CDH13: variants seen among roughly 807,000 people sequenced by gnomAD.
CDH13 encodes cadherin 13.
A neutral mutation model predicts 63.8 loss-of-function variants in CDH13; 24 were observed. That is an observed-to-expected ratio of 0.38 (90% CI 0.27 to 0.53). The LOEUF is 0.53. Ranked by LOEUF, CDH13 falls within the 20% of genes least tolerant of loss-of-function variation. The pLI is 0.85. For missense variants in CDH13, 1,049 were observed against 903.1 expected (o/e 1.16, Z -2.07); for synonymous variants, 503 against 355.3 (o/e 1.42, Z -4.67).
chr16:82,766,314 C>T (rs1010037256), intron 1 of CDH13, among the ~76,000 whole-genome samples: 5 of 152,176 alleles, frequency 3.3e-5, no homozygotes, highest in African/African-American at 4.8e-5. Flanking sequence ...ATATATTTAA[C>T]ACCAGGTCCA....
intron 9 of CDH13, among the ~76,000 whole-genome samples, chr16:83,676,966 G>A (rs1327486834): frequency 2.0e-5 from 3 of 152,168 alleles, no homozygotes; most frequent in African/African-American, 4.8e-5. Flanking sequence ...AACTGTTGTT[G>A]CTTACTTTTA....
chr16:82,778,570 G>GAAAAAAAAA (rs11350020), intron 1 of CDH13, among the ~76,000 whole-genome samples: 3 of 85,778 alleles, frequency 3.5e-5, no homozygotes, highest in African/African-American at 9.4e-5. Flanking sequence ...ATCACGACCA[G>GAAAAAAAAA]AAAAAAAAAA....
At chr16:83,423,327 C>T (rs923046553) in intron 6 of CDH13, among the ~76,000 whole-genome samples, 3 of 152,138 alleles carry the variant, frequency 2.0e-5, no homozygotes, top group African/African-American at 7.2e-5. Flanking sequence ...TTGTTCACTT[C>T]TTCAGAAAAT....
At chr16:82,750,605 G>C (rs2034373915) in intron 1 of CDH13, among the ~76,000 whole-genome samples, 1 of 152,164 alleles carries the variant, frequency 6.6e-6, no homozygotes, top group African/African-American at 2.4e-5. Context: ...TTCTCTTAAA[G>C]TCTCAGGTGG....
intron 1 of CDH13, among the ~76,000 whole-genome samples, chr16:82,794,397 A>T (rs1459296283): frequency 8.4e-6 from 1 of 119,608 alleles, no homozygotes; most frequent in Non-Finnish European, 2.0e-5. Context: ...TCAGAAAGGA[A>T]TTTTTTTTTC....
chr16:83,408,287 A>G (rs1185687298), intron 6 of CDH13, among the ~76,000 whole-genome samples: 1 of 152,204 alleles, frequency 6.6e-6, no homozygotes, highest in African/African-American at 2.4e-5. Context: ...ATATTCACAC[A>G]AACCATATAC....
At chr16:83,516,142 A>G (rs2074694225) in intron 7 of CDH13, among the ~76,000 whole-genome samples, 1 of 152,222 alleles carries the variant, frequency 6.6e-6, no homozygotes, top group Admixed American at 6.5e-5. Context: ...ATGTCCTCAG[A>G]TAGCTCATGG....
At chr16:83,280,634 G>T (rs2161723) in intron 5 of CDH13, among the ~76,000 whole-genome samples, 2 of 152,088 alleles carry the variant, frequency 1.3e-5, no homozygotes, top group African/African-American at 2.4e-5. Flanking sequence ...AAGGTTTTCA[G>T]TTTACTTTGC....
intron 2 of CDH13, among the ~76,000 whole-genome samples, chr16:82,950,479 G>A (rs999050037): frequency 6.6e-6 from 1 of 152,090 alleles, no homozygotes; most frequent in African/African-American, 2.4e-5. Context: ...CTGTTCTTGT[G>A]GTAGTGAGTA....
intron 10 of CDH13, among the ~76,000 whole-genome samples, chr16:83,711,509 T>A (rs1011538065): frequency 1.2e-4 from 18 of 152,050 alleles, no homozygotes; most frequent in African/African-American, 4.1e-4. Context: ...TATTTTTTGG[T>A]TTTTTTGTTT....
intron 1 of CDH13, among the ~76,000 whole-genome samples, chr16:82,629,833 G>A (rs16957898): frequency 0.027 from 4,101 of 152,312 alleles, 176 homozygotes; most frequent in African/African-American, 0.094. Context: ...ATTTGCCTAT[G>A]ATAAGTAATG....
At chr16:83,670,662 C>A in intron 8 of CDH13, 128 bp from the exon 9 acceptor site, 1 of 877,456 alleles carries the variant, frequency 1.1e-6, no homozygotes, top group South Asian at 1.7e-5. Context: ...TATCTTCCAA[C>A]CGTAATCCTC....
intron 7 of CDH13, among the ~76,000 whole-genome samples, chr16:83,556,063 A>C (rs1251563572): frequency 6.6e-6 from 1 of 152,222 alleles, no homozygotes. Context: ...ATTTTAAATG[A>C]CTTTACAAAA....
chr16:83,509,367 T>C (rs186066881), intron 7 of CDH13, among the ~76,000 whole-genome samples: 3 of 152,354 alleles, frequency 2.0e-5, no homozygotes, highest in Admixed American at 2.0e-4. Flanking sequence ...CTGCAGATTT[T>C]ACTCTCTGTA....
intron 3 of CDH13, among the ~76,000 whole-genome samples, chr16:83,069,282 T>C (rs1356865568): frequency 6.6e-6 from 1 of 152,208 alleles, no homozygotes; most frequent in East Asian, 1.9e-4. Flanking sequence ...TCCACAGGGC[T>C]CTTTAGTGGA....
intron 5 of CDH13, among the ~76,000 whole-genome samples, chr16:83,317,639 A>G (rs140894326): frequency 0.012 from 1,812 of 152,196 alleles, 18 homozygotes; most frequent in Admixed American, 0.02. Context: ...CATCTCTGCT[A>G]AAAATACAAA....
chr16:83,663,318 G>T (rs532432333), intron 8 of CDH13, among the ~76,000 whole-genome samples: 3 of 152,120 alleles, frequency 2.0e-5, no homozygotes, highest in Admixed American at 6.5e-5. Flanking sequence ...GATTATGCAG[G>T]CACCCTGAGC....
chr16:83,572,791 C>T (rs558853077), intron 7 of CDH13, among the ~76,000 whole-genome samples: 1 of 152,210 alleles, frequency 6.6e-6, no homozygotes. Flanking sequence ...ATCATTTCTC[C>T]TATAAATTTC....
At chr16:82,758,765 G>A (rs1233637150) in intron 1 of CDH13, among the ~76,000 whole-genome samples, 1 of 152,206 alleles carries the variant, frequency 6.6e-6, no homozygotes. Context: ...AGAGGATGGG[G>A]CCATGATTAG....
Sources: gnomAD v4.1 joint callset for allele counts (sites outside exome capture counted in the v4.1 genomes callset) on GRCh38, gnomAD v4.1.1 for gene constraint, MANE v1.5 for transcripts, NCBI Gene and HGNC (gene_info 2026-07-23, HGNC 2026-07-21) for gene names.